ERI3: variants seen among roughly 807,000 people sequenced by gnomAD.
ERI3 encodes the protein ERI1 exoribonuclease 3.
A neutral mutation model predicts 44.4 loss-of-function variants in ERI3; 18 were observed. The ratio of observed to expected loss-of-function variants is 0.41; its 90% CI spans 0.28 to 0.60. The LOEUF (loss-of-function observed/expected upper bound fraction) is 0.60, where lower values mean the gene tolerates loss of function less well. Ranked by LOEUF, ERI3 falls within the 20% of genes least tolerant of loss-of-function variation. The pLI is 0.36. For missense variants in ERI3, 294 were observed against 435.5 expected (o/e 0.68, Z 2.89); for synonymous variants, 183 against 164.8 (o/e 1.11, Z -0.84).
At chr1:44,308,516 A>G in intron 5 of ERI3, 115 bp from the exon 6 acceptor site, 1 of 847,596 alleles carries the variant, frequency 1.2e-6, no homozygotes, top group Non-Finnish European at 2.0e-6. Flanking sequence ...GAAAATTGTA[A>G]TCTTATCCAG....
chr1:44,308,705 T>A (rs1645892102), intron 5 of ERI3, among the ~76,000 whole-genome samples: 1 of 152,174 alleles, frequency 6.6e-6, no homozygotes, highest in African/African-American at 2.4e-5. Context: ...TGCTCTGACT[T>A]GGCTGTTCCT....
At chr1:44,321,700 T>C (rs1646207876) in intron 3 of ERI3, among the ~76,000 whole-genome samples, 2 of 152,144 alleles carry the variant, frequency 1.3e-5, no homozygotes, top group African/African-American at 4.8e-5. Context: ...AAGAGCTCTA[T>C]AGCCTGGTGA....
Position 44,252,283 on chromosome 1 carries a change from T to TG in ERI3, c.832-4246dup, listed in dbSNP as rs924640661. 6.6e-6 allele frequency among the ~76,000 whole-genome samples: 1 copy of TG among 152,202 alleles called. No homozygotes were observed. The highest frequency in any genetic ancestry group is 1.5e-5 in the Non-Finnish European group (1 of 68,024). On this transcript the variant is annotated intron_variant, in intron 7 of 8. Transcript: ENST00000372257. The surrounding 1 kb of genome is among the most constrained non-coding windows in gnomAD (Gnocchi z 4.7). The stretch of plus-strand genomic sequence containing the variant: ...GCACGCACACACGCTTCCCTTCCCC[T>TG]GGGCTGCTGCAATTTCCATGCACAG...
chr1:44,350,648 G>C (rs1346826425), intron 2 of ERI3, among the ~76,000 whole-genome samples: 1 of 152,102 alleles, frequency 6.6e-6, no homozygotes, highest in African/African-American at 2.4e-5. Context: ...AAATTCTTTG[G>C]TAGACATTCT....
At chr1:44,299,329 T>C (rs946739576) in intron 6 of ERI3, among the ~76,000 whole-genome samples, 2 of 152,116 alleles carry the variant, frequency 1.3e-5, no homozygotes, top group African/African-American at 2.4e-5. Context: ...ATTATAGGCA[T>C]GTGCCACCAC....
chr1:44,281,282 A>G (rs1254036634), intron 7 of ERI3, among the ~76,000 whole-genome samples: 1 of 152,110 alleles, frequency 6.6e-6, no homozygotes, highest in Non-Finnish European at 1.5e-5. Flanking sequence ...GGCACACAGA[A>G]GGCATTCAAA....
chr1:44,239,307 C>T (rs1016680261), intron 8 of ERI3, among the ~76,000 whole-genome samples: 2 of 152,152 alleles, frequency 1.3e-5, no homozygotes, highest in Admixed American at 6.5e-5. Context: ...GTGTGTGACA[C>T]TGCTGTGGGG....
intron 3 of ERI3, among the ~76,000 whole-genome samples, chr1:44,333,822 C>CATA (rs763254524): frequency 2.3e-4 from 35 of 152,316 alleles, no homozygotes; most frequent in East Asian, 5.8e-4. Context: ...ACCCTCCCCA[C>CATA]ATATCCTTCA....
chr1:44,254,705 T>C (rs1459215521), intron 7 of ERI3, among the ~76,000 whole-genome samples: 1 of 152,114 alleles, frequency 6.6e-6, no homozygotes, highest in Admixed American at 6.5e-5. Flanking sequence ...TCCAGAAAGA[T>C]AATAAAGCCA....
At chr1:44,350,228 A>G (rs535821419) in intron 2 of ERI3, among the ~76,000 whole-genome samples, 1 of 152,178 alleles carries the variant, frequency 6.6e-6, no homozygotes, top group East Asian at 1.9e-4. Flanking sequence ...CGTTTATTCC[A>G]TACTTCATTA....
chr1:44,353,631 C>G lies in ERI3; in HGVS notation c.136-706G>C, dbSNP rs971395997. 4.1e-6 allele frequency: 4 copies of G among 985,254 alleles called. No individual in the cohort carries two copies. In the African/African-American group the frequency reaches 7.0e-5, roughly 17 times the overall value. The allele number at this position is 985,254 out of a possible 1,614,324, so 61.0% of individuals were successfully genotyped here. ...AAAGGCCACTCACCAATTTACCCCA[C>G]CACAAAGAAAACACTTTTTAAAATG... On this transcript the variant is annotated intron_variant, in intron 1 of 8. Transcript: ENST00000372257.
chr1:44,232,540 C>T (rs1253300861), intron 8 of ERI3, among the ~76,000 whole-genome samples: 1 of 140,970 alleles, frequency 7.1e-6, no homozygotes, highest in Admixed American at 6.7e-5. Flanking sequence ...ATTCAGACTT[C>T]TTCTTTCTTT....
chr1:44,284,347 C>T (rs1310931809), intron 7 of ERI3, among the ~76,000 whole-genome samples: 1 of 152,152 alleles, frequency 6.6e-6, no homozygotes, highest in Non-Finnish European at 1.5e-5. Context: ...TCACATGAGC[C>T]AGGCTCTCCT....
At chr1:44,277,885 G>A (rs150340799) in intron 7 of ERI3, among the ~76,000 whole-genome samples, 6 of 152,148 alleles carry the variant, frequency 3.9e-5, no homozygotes, top group Non-Finnish European at 8.8e-5. Context: ...TGGGTCCTGC[G>A]AGGACTAGAC....
intron 7 of ERI3, among the ~76,000 whole-genome samples, chr1:44,269,286 G>T (rs1468353247): frequency 1.3e-5 from 2 of 152,186 alleles, no homozygotes; most frequent in Non-Finnish European, 2.9e-5. Flanking sequence ...TGAGGACTCA[G>T]AAAGGGCAAG....
chr1:44,289,769 C>G (rs1645466652), intron 6 of ERI3, among the ~76,000 whole-genome samples: 1 of 152,256 alleles, frequency 6.6e-6, no homozygotes, highest in South Asian at 2.1e-4. Context: ...GGGAACACCC[C>G]CCTCGCTAAT....
chr1:44,276,972 T>A (rs989131787), intron 7 of ERI3, among the ~76,000 whole-genome samples: 14 of 152,190 alleles, frequency 9.2e-5, no homozygotes, highest in African/African-American at 3.4e-4. Flanking sequence ...CTCAACTGGA[T>A]CCTCAACACT....
chr1:44,282,678 G>A (rs1178713241), intron 7 of ERI3, among the ~76,000 whole-genome samples: 2 of 152,178 alleles, frequency 1.3e-5, no homozygotes, highest in African/African-American at 2.4e-5. Context: ...CACCTCTCCT[G>A]TTGGGCCTTT....
rs887995351 is a variant in ERI3, at chr1:44,275,165, G to GT, written c.831+9669dup. Among the ~76,000 whole-genome samples, 50 of 151,280 alleles carry GT rather than the reference G, an allele frequency of 3.3e-4. No homozygotes were observed. In the Middle Eastern group the frequency reaches 0.01, roughly 31 times the overall value. On this transcript the variant is annotated intron_variant, in intron 7 of 8. Coordinates refer to ENST00000372257, the MANE Select transcript of ERI3 (RefSeq NM_024066.3). ...CCTCTCTTGGTTTTCATTTTTGTTT[G>GT]TTTTTTTTTCCAAGTTAGCTTCTGA...
Sources: gnomAD v4.1 joint callset for allele counts (sites outside exome capture counted in the v4.1 genomes callset) on GRCh38, gnomAD v4.1.1 for gene constraint, Gnocchi (gnomAD v3.1) non-coding constraint, MANE v1.5 for transcripts, NCBI Gene and HGNC (gene_info 2026-07-23, HGNC 2026-07-21) for gene names.